PIMREG: variants seen among roughly 807,000 people sequenced by gnomAD.
The protein encoded by PIMREG is protein PIMREG.
A neutral mutation model predicts 24.3 loss-of-function variants in PIMREG; 19 were observed. The observed-to-expected ratio is 0.78, with a 90% CI of 0.54 to 1.15. The LOEUF (loss-of-function observed/expected upper bound fraction) is 1.15. Ranked by LOEUF, PIMREG falls within the 50% of genes most tolerant of loss-of-function variation. The pLI, the probability that PIMREG is intolerant of heterozygous loss-of-function variation, is 0.00. For missense variants in PIMREG, 283 were observed against 306.8 expected, an observed-to-expected ratio of 0.92 and a Z score of 0.58; for synonymous variants, 112 against 124.1, an observed-to-expected ratio of 0.90 and a Z score of 0.65.
intron 2 of PIMREG, among the ~76,000 whole-genome samples, chr17:6,447,104 T>TG (rs1371270910): frequency 3.1e-5 from 3 of 97,538 alleles, no homozygotes; most frequent in Non-Finnish European, 7.8e-5. Flanking sequence ...CTTGGTTTTT[T>TG]TTTTTGTTGT....
rs1913499443 is a variant in PIMREG, at chr17:6,444,540, A to C, written c.-36+52A>C. The C allele has an allele frequency of 6.5e-6, 1 of 154,768 alleles. No homozygotes were observed. The highest frequency in any genetic ancestry group is 1.9e-4 in the South Asian group (1 of 5,136). The allele number at this position is 154,768 out of a possible 1,614,324, so 9.6% of individuals were successfully genotyped here. A position where few individuals can be genotyped will look rare whatever the true frequency, so the allele number is the denominator to read the frequency against. On this transcript the variant is annotated intron_variant, in intron 1 of 5. Transcript: ENST00000572447. The surrounding 1 kb of genome is among the most constrained non-coding windows in gnomAD (Gnocchi z 4.3). ...GCCCTTGTTGCCCAGGCTGGAGTGCAATGGCGCGATCTGGACTCAAAACAA... is the reference window on the plus strand; with the variant it reads ...GCCCTTGTTGCCCAGGCTGGAGTGCCATGGCGCGATCTGGACTCAAAACAA...
At chr17:6,445,738 T>A (rs1913547021) in intron 2 of PIMREG, among the ~76,000 whole-genome samples, 2 of 152,134 alleles carry the variant, frequency 1.3e-5, no homozygotes, top group Non-Finnish European at 2.9e-5. Flanking sequence ...GAGGAGGTGA[T>A]TCCAGAGTTC....
At chr17:6,450,273 C>T (rs1913772581) in intron 5 of PIMREG, 89 bp from the exon 6 acceptor site, 3 of 1,307,762 alleles carry the variant, frequency 2.3e-6, no homozygotes, top group South Asian at 1.3e-5. Context: ...CAGCCACCTT[C>T]CAGCACCCCC....
rs1320615088 is a variant in PIMREG at position 6,445,078 on chromosome 17, T to C, written c.-33T>C. The C allele has an allele frequency of 1.9e-6, 3 of 1,542,284 alleles. No homozygotes were observed. The highest frequency in any genetic ancestry group is 2.6e-6 in the Non-Finnish European group (3 of 1,145,408). ...CTGCCTTTCGCCCTCCTCCCCAGGG[T>C]CTAGTGGACAGAGAAGACTCTTGGC... is the stretch of plus-strand genomic sequence containing the variant. On this transcript the variant is annotated splice_region_variant and 5_prime_UTR_variant, in exon 2 of 6. Transcript: ENST00000572447.
chr17:6,447,234 C>T lies in PIMREG; in HGVS notation c.295-229C>T, dbSNP rs1308294678. 8.6e-6 allele frequency: 4 copies of T among 462,646 alleles called. No individual in the cohort carries two copies. The Admixed American group carries it at 1.4e-4, about 16-fold the overall frequency. 28.7% of individuals were successfully genotyped at this position (462,646 alleles called of 1,614,324 possible). On this transcript the variant is annotated intron_variant, in intron 2 of 5. Coordinates refer to ENST00000572447, the MANE Select transcript of PIMREG (RefSeq NM_019013.3). ...TCAAGCGACTCTCATGCCTCAGCCACCCAAGTAGCTGGGATTACAGGCACC... is the reference window on the plus strand; with the variant it reads ...TCAAGCGACTCTCATGCCTCAGCCATCCAAGTAGCTGGGATTACAGGCACC...
At position 6,447,717 on chromosome 17, in the gene PIMREG, C is replaced by T; in HGVS notation, c.549C>T (p.Phe183=). Residue 183 remains phenylalanine, a synonymous_variant, in exon 3 of 6, where the codon TTC becomes TTT. Transcript: ENST00000572447. ...GGCGATCAAGGCGGGAGGCTGCCTT[C>T]CGGAGCCCCTACTCCTCAACAGAGC... is the stretch of plus-strand genomic sequence containing the variant. ...PLRRSRREAA[F]RSPYSSTEPL... is the part of the protein sequence containing the mutation. 6.2e-7 allele frequency: 1 copy of T among 1,613,500 alleles called. No homozygotes were observed. Among genetic ancestry groups the T allele is most frequent in the Non-Finnish European group, 8.5e-7 (1 of 1,179,672 alleles).
chr17:6,449,676 G>T, intron 4 of PIMREG: 2 of 1,384,600 alleles, frequency 1.4e-6, no homozygotes, highest in Non-Finnish European at 1.9e-6. Context: ...CGTGTGGCTG[G>T]TTCCTGAAAA....
chr17:6,444,946 C>T lies in PIMREG; in HGVS notation c.-35-130C>T, dbSNP rs1024319386. On this transcript the variant is annotated intron_variant, in intron 1 of 5. Coordinates refer to ENST00000572447, the MANE Select transcript of PIMREG (RefSeq NM_019013.3). This position sits in a 1 kb window ranked among gnomAD's most constrained non-coding sequence, Gnocchi z 4.3. ...GGAAGCATCCTCCTTCCTGCACCCACACTTACCAACTCGCCCGCCCCCGCC... is the reference window on the plus strand; with the variant it reads ...GGAAGCATCCTCCTTCCTGCACCCATACTTACCAACTCGCCCGCCCCCGCC... The T allele has an allele frequency of 6.4e-6, 4 of 625,630 alleles. No individual in the cohort carries two copies. The Admixed American group carries it at 1.0e-4, about 16-fold the overall frequency. 38.8% of individuals were successfully genotyped at this position (625,630 alleles called of 1,614,324 possible). A position where few individuals can be genotyped will look rare whatever the true frequency, so the allele number is the denominator to read the frequency against.
chr17:6,447,368 G>T (rs918379118), intron 2 of PIMREG, 95 bp from the exon 3 acceptor site: 4 of 1,347,220 alleles, frequency 3.0e-6, no homozygotes, highest in Admixed American at 2.0e-5. Flanking sequence ...TGCCTGCCTC[G>T]GCCTCCCAAA....
At position 6,450,084 on chromosome 17, in the gene PIMREG, C is replaced by T. The variant is rs1281639105; in HGVS notation, c.*14+12C>T. The T allele has an allele frequency of 3.1e-6, 5 of 1,613,082 alleles. No individual in the cohort carries two copies. Among genetic ancestry groups the T allele is most frequent in the Non-Finnish European group, 2.5e-6 (3 of 1,179,056 alleles). On this transcript the variant is annotated intron_variant, in intron 5 of 5. Coordinates refer to ENST00000572447, the MANE Select transcript of PIMREG (RefSeq NM_019013.3). ...GGAAGTGCCTGCAGGTAATGCCCAC[C>T]TCCCAAGAGTCTTTCTCACTGTCCT... is the stretch of plus-strand genomic sequence containing the variant.
In PIMREG at chr17:6,449,276, C is replaced by A. The variant is rs1288054885; in HGVS notation, c.591-36C>A. 7 of 1,576,746 alleles carry A rather than the reference C, an allele frequency of 4.4e-6. No individual in the cohort carries two copies. In the Admixed American group the frequency reaches 7.2e-5, roughly 16 times the overall value. On this transcript the variant is annotated intron_variant, in intron 3 of 5. Coordinates refer to ENST00000572447, the MANE Select transcript of PIMREG (RefSeq NM_019013.3). ...GCAAGGGTCTCCTGCCGGGAGTTTC[C>A]AACTAGTCACTGGTGTGGCTTTTTC... is the stretch of plus-strand genomic sequence containing the variant.
At chr17:6,446,130 T>C in intron 2 of PIMREG, 1 of 401,192 alleles carries the variant, frequency 2.5e-6, no homozygotes, top group Non-Finnish European at 4.4e-6. Flanking sequence ...AAGGTCCAGT[T>C]AGAGGGGATT....
intron 4 of PIMREG, 115 bp downstream of exon 4, chr17:6,449,522 C>A: frequency 9.2e-7 from 1 of 1,085,506 alleles, no homozygotes; most frequent in Non-Finnish European, 1.3e-6. Flanking sequence ...CCAGTCTCTG[C>A]CCCTCTCTGG....
intron 5 of PIMREG, 39 bp downstream of exon 5, chr17:6,450,111 C>T: frequency 6.3e-7 from 1 of 1,596,306 alleles, no homozygotes; most frequent in Non-Finnish European, 8.6e-7. Flanking sequence ...CACTGTCCTT[C>T]TCCTCCATCT....
intron 2 of PIMREG, among the ~76,000 whole-genome samples, chr17:6,446,982 A>T (rs998187936): frequency 1.3e-5 from 2 of 152,152 alleles, no homozygotes; most frequent in East Asian, 1.9e-4. Context: ...GACTCATTCC[A>T]TGAGGAGTCA....
chr17:6,446,543 T>G (rs1268014637), intron 2 of PIMREG, among the ~76,000 whole-genome samples: 1 of 152,146 alleles, frequency 6.6e-6, no homozygotes, highest in East Asian at 1.9e-4. Flanking sequence ...CTCCAAACAC[T>G]GGGCTCTGGC....
At chr17:6,449,656 T>C in intron 4 of PIMREG, 1 of 1,373,994 alleles carries the variant, frequency 7.3e-7, no homozygotes, top group Non-Finnish European at 9.4e-7. Flanking sequence ...GTCCATCACT[T>C]GGAACCTCAC....
chr17:6,445,000 T>C lies in PIMREG; in HGVS notation c.-35-76T>C, dbSNP rs73334159. On this transcript the variant is annotated intron_variant, in intron 1 of 5. Coordinates refer to ENST00000572447, the MANE Select transcript of PIMREG (RefSeq NM_019013.3). This position sits in a 1 kb window ranked among gnomAD's most constrained non-coding sequence, Gnocchi z 4.3. ...CCGCTGCATCCCGTCTCTTCCCCTGTGTCCAGGGTCTCTGTGGGGCCTGGG... is the reference window on the plus strand; with the variant it reads ...CCGCTGCATCCCGTCTCTTCCCCTGCGTCCAGGGTCTCTGTGGGGCCTGGG... The C allele has an allele frequency of 8.2e-3, 9,759 of 1,196,242 alleles. 543 individuals are homozygous for C. In the African/African-American group the frequency reaches 0.13, roughly 16 times the overall value. 74.1% of individuals were successfully genotyped at this position (1,196,242 alleles called of 1,614,324 possible).
chr17:6,445,118 C>A lies in PIMREG; in HGVS notation c.8C>A (p.Ser3Tyr). 6.3e-7 allele frequency: 1 copy of A among 1,593,436 alleles called. No individual in the cohort carries two copies. Among genetic ancestry groups the A allele is most frequent in the Non-Finnish European group, 8.6e-7 (1 of 1,169,320 alleles). The part of the protein sequence containing the change: MA[S>Y]RWQNMGTSVR... ...AGACTCTTGGCCAGGCAGATGGCTT[C>A]TCGGTGGCAGAACATGGGGACCTCC... is the stretch of plus-strand genomic sequence containing the variant. Residue 3 changes from serine to tyrosine, a missense_variant, in exon 2 of 6, where the codon TCT becomes TAT. Coordinates refer to ENST00000572447, the MANE Select transcript of PIMREG (RefSeq NM_019013.3).
Sources: gnomAD v4.1 joint callset for allele counts (sites outside exome capture counted in the v4.1 genomes callset) on GRCh38, gnomAD v4.1.1 for gene constraint, Gnocchi (gnomAD v3.1) non-coding constraint, MANE v1.5 for transcripts, NCBI Gene and HGNC (gene_info 2026-07-23, HGNC 2026-07-21) for gene names.